The following TENM2 variants were observed in gnomAD, a reference collection of about 807,000 sequenced individuals.
The protein encoded by TENM2 is teneurin transmembrane protein 2.
TENM2 carries 52 observed loss-of-function variants against 245.2 expected under a neutral mutation model. That is an observed-to-expected ratio of 0.21 (90% CI 0.17 to 0.27). The LOEUF (loss-of-function observed/expected upper bound fraction) is 0.27, where lower values mean the gene tolerates loss of function less well. TENM2 is among the 10% of genes least tolerant of loss of function. The pLI is 1.00. For missense variants in TENM2, 3,046 were observed against 3,666.8 expected (o/e 0.83, Z 4.37); for synonymous variants, 1,363 against 1,438.9 (o/e 0.95, Z 1.19).
the TENM2 span, among the ~76,000 whole-genome samples, chr5:166,983,425 G>A: frequency 2.0e-5 from 3 of 152,050 alleles, no homozygotes; most frequent in Admixed American, 2.0e-4. Context: ...GAGCCTTTCA[G>A]GTGAAAAGAA....
rs112035603 is a variant in TENM2 at position 168,226,273 on chromosome 5, CA to C, written c.5284+11del. On this transcript the variant is annotated intron_variant, in intron 24 of 28. Coordinates refer to ENST00000518659, the Ensembl canonical transcript of TENM2. ...TACACAGTGGTACAAGGTGAGCCTC[CA>C]CCCATACCATCCTACCCCCAAACTC... 13 of 1,610,226 alleles carry C rather than the reference CA, an allele frequency of 8.1e-6. No homozygotes were observed. The highest frequency in any genetic ancestry group is 6.7e-5 in the African/African-American group (5 of 74,934).
At chr5:167,500,727 G>T (rs13162300) in intron 2 of TENM2, among the ~76,000 whole-genome samples, 1 of 152,082 alleles carries the variant, frequency 6.6e-6, no homozygotes, top group Admixed American at 6.6e-5. Context: ...TGACAGGAAC[G>T]TTCTGGAAGA....
the TENM2 span, among the ~76,000 whole-genome samples, chr5:166,983,679 A>G: frequency 6.6e-6 from 1 of 152,084 alleles, no homozygotes; most frequent in Non-Finnish European, 1.5e-5. Flanking sequence ...TGCTCTTGCC[A>G]GAATATTCGT....
chr5:168,025,714 G>T (rs768509510), intron 5 of TENM2, among the ~76,000 whole-genome samples: 4 of 152,058 alleles, frequency 2.6e-5, no homozygotes, highest in African/African-American at 9.7e-5. Context: ...GTGTCCTGTG[G>T]GGTTGCCAGA....
chr5:167,390,741 G>C (rs890692658), intron 2 of TENM2, among the ~76,000 whole-genome samples: 1 of 152,162 alleles, frequency 6.6e-6, no homozygotes, highest in Non-Finnish European at 1.5e-5. Flanking sequence ...ATTTAGAATG[G>C]AAAAGACCCC....
At chr5:167,630,915 G>C (rs1166407756) in intron 2 of TENM2, among the ~76,000 whole-genome samples, 1 of 152,164 alleles carries the variant, frequency 6.6e-6, no homozygotes, top group African/African-American at 2.4e-5. Context: ...GTCCACCTAG[G>C]AAAGAGCTCC....
At chr5:167,721,349 C>A (rs916447427) in intron 2 of TENM2, 2 of 151,858 alleles carry the variant, frequency 1.3e-5, no homozygotes, top group African/African-American at 2.4e-5. Flanking sequence ...GCTGTCATAA[C>A]AGATTACCAC....
chr5:168,191,305 A>G (rs1222352951), intron 14 of TENM2, among the ~76,000 whole-genome samples: 1 of 152,216 alleles, frequency 6.6e-6, no homozygotes, highest in Non-Finnish European at 1.5e-5. Context: ...ACACTTCCCC[A>G]CCACCCCATC....
rs1771253552 is a variant in TENM2, at chr5:167,284,992, A to T, written c.155A>T (p.Asp52Val). ...GAGACTCTGAAGGCCTATGACCATG[A>T]CAGCAGGATGCACTATGGAAACCGA... Residue 52 changes from aspartate (D) to valine (V), a missense_variant, in exon 1 of 29, where the codon GAC (aspartate) becomes GTC (valine). By Grantham distance (152) the Asp-to-Val change is radical. Coordinates refer to ENST00000518659, the Ensembl canonical transcript of TENM2. 1.9e-6 allele frequency: 3 copies of T among 1,551,970 alleles called. No individual in the cohort carries two copies. The African/African-American group carries it at 4.1e-5, about 21-fold the overall frequency.
chr5:167,436,289 G>T (rs916401986), intron 2 of TENM2, among the ~76,000 whole-genome samples: 1 of 152,004 alleles, frequency 6.6e-6, no homozygotes, highest in Non-Finnish European at 1.5e-5. Context: ...ATTTTCCCAC[G>T]TTGGCCAGGC....
At chr5:167,197,902 T>C in the TENM2 span, among the ~76,000 whole-genome samples, 1 of 151,520 alleles carries the variant, frequency 6.6e-6, no homozygotes. Flanking sequence ...TGTGTATATA[T>C]ACACATATAG....
chr5:167,483,189 T>C (rs1017458284), intron 2 of TENM2, among the ~76,000 whole-genome samples: 6 of 152,190 alleles, frequency 3.9e-5, no homozygotes, highest in African/African-American at 1.4e-4. Context: ...GCCCAGCCCC[T>C]GTACAGAGTT....
At chr5:167,776,349 C>T (rs1286330218) in intron 2 of TENM2, among the ~76,000 whole-genome samples, 4 of 151,608 alleles carry the variant, frequency 2.6e-5, no homozygotes, top group East Asian at 1.9e-4. Flanking sequence ...GTAATCCCAG[C>T]GCTTTGGGAG....
intron 1 of TENM2, chr5:167,309,739 C>T (rs1413560924): frequency 6.6e-6 from 1 of 152,130 alleles, no homozygotes; most frequent in Non-Finnish European, 1.5e-5. Flanking sequence ...GTAGTCCATG[C>T]TCTCAGGAAA....
chr5:168,246,667 C>T, intron 26 of TENM2, 90 bp from the exon 29 acceptor site: 1 of 1,280,092 alleles, frequency 7.8e-7, no homozygotes, highest in Non-Finnish European at 1.1e-6. Flanking sequence ...TTTGAGTTGA[C>T]ATTTGGGGAA....
chr5:167,550,695 TGTTAG>T (rs1772873014), intron 2 of TENM2, among the ~76,000 whole-genome samples: 1 of 126,396 alleles, frequency 7.9e-6, no homozygotes, highest in African/African-American at 3.1e-5. Flanking sequence ...TTTTTGTTGT[TGTTAG>T]TGTGTGTGTG....
intron 1 of TENM2, among the ~76,000 whole-genome samples, chr5:167,341,322 G>C (rs547125938): frequency 3.3e-5 from 5 of 152,208 alleles, no homozygotes; most frequent in African/African-American, 1.2e-4. Flanking sequence ...TCTTTCTGCT[G>C]CTGATGGATT....
At chr5:168,159,377 CAGAAGACTTCCTAT>C (rs747372094) in intron 12 of TENM2, among the ~76,000 whole-genome samples, 6 of 152,056 alleles carry the variant, frequency 3.9e-5, no homozygotes, top group Non-Finnish European at 8.8e-5. Context: ...GCCTGAAATC[CAGAAGACTTCCTAT>C]AGGAGACTTC....
At chr5:167,380,735 T>C (rs1378272144) in intron 2 of TENM2, among the ~76,000 whole-genome samples, 1 of 152,118 alleles carries the variant, frequency 6.6e-6, no homozygotes, top group Non-Finnish European at 1.5e-5. Context: ...AATCATTTGG[T>C]TTTAAGCTGC....
Sources: gnomAD v4.1 joint callset for allele counts (sites outside exome capture counted in the v4.1 genomes callset) on GRCh38, gnomAD v4.1.1 for gene constraint, MANE v1.5 for transcripts, NCBI Gene and HGNC (gene_info 2026-07-23, HGNC 2026-07-21) for gene names.